The following KCNK2 variants were observed in gnomAD, a reference collection of about 807,000 sequenced individuals.
KCNK2 encodes potassium channel subfamily K member 2.
In KCNK2, 21 loss-of-function variants were observed where a neutral mutation model predicts 40.5. The observed-to-expected ratio is 0.52, with a 90% CI of 0.37 to 0.75. KCNK2 has a LOEUF of 0.75. KCNK2 is among the 30% of genes least tolerant of loss of function. The pLI, the probability that KCNK2 is intolerant of heterozygous loss-of-function variation, is 0.00. For missense variants in KCNK2, 399 were observed against 531.6 expected (o/e 0.75, Z 2.45); for synonymous variants, 191 against 202.2 (o/e 0.94, Z 0.47).
intron 1 of KCNK2, among the ~76,000 whole-genome samples, chr1:215,022,120 TATCTATCTAATC>T (rs1276743606): frequency 7.2e-5 from 4 of 55,278 alleles, no homozygotes; most frequent in African/African-American, 1.2e-4. Flanking sequence ...TCTATCTATC[TATCTATCTAATC>T]ATCTATCTAT....
intron 1 of KCNK2, among the ~76,000 whole-genome samples, chr1:215,071,320 G>T (rs1558077183): frequency 6.6e-6 from 1 of 152,158 alleles, no homozygotes; most frequent in African/African-American, 2.4e-5. Flanking sequence ...CACATAGAGG[G>T]GTTTGCAGGG....
chr1:215,007,037 A>ATATATGTGTGTGTGTGTGTGTGTG (rs1330420661), intron 1 of KCNK2, among the ~76,000 whole-genome samples: 8 of 51,550 alleles, frequency 1.6e-4, no homozygotes, highest in East Asian at 7.0e-4. Context: ...ATATATATAT[A>ATATATGTGTGTGTGTGTGTGTGTG]TGTGTGTGTG....
chr1:215,051,684 C>T (rs1160174836), intron 1 of KCNK2, among the ~76,000 whole-genome samples: 4 of 152,026 alleles, frequency 2.6e-5, no homozygotes, highest in Non-Finnish European at 5.9e-5. Flanking sequence ...GCAGCAGATG[C>T]AAGGTTCTGA....
intron 6 of KCNK2, among the ~76,000 whole-genome samples, chr1:215,234,525 C>A (rs1215036563): frequency 1.3e-5 from 2 of 150,724 alleles, no homozygotes; most frequent in Non-Finnish European, 3.0e-5. Flanking sequence ...TGCCTTTTTA[C>A]AGCATCAAAA....
intron 5 of KCNK2, among the ~76,000 whole-genome samples, chr1:215,173,727 T>A (rs956125373): frequency 2.0e-5 from 3 of 152,366 alleles, no homozygotes; most frequent in African/African-American, 7.2e-5. Flanking sequence ...CCAGTGATGA[T>A]GAGCATTTTT....
chr1:215,182,027 G>C lies in KCNK2; in HGVS notation c.823+9844G>C, dbSNP rs143585967. On this transcript the variant is annotated intron_variant, in intron 5 of 6. Transcript: ENST00000444842. ...CCTTGACCCCATGTTCTCTATACAG[G>C]GATGGGGGAGATCTAAACTCTTAAT... 7.2e-5 allele frequency among the ~76,000 whole-genome samples: 11 copies of C among 152,286 alleles called. No homozygotes were observed. In the East Asian group the frequency reaches 2.1e-3, roughly 29 times the overall value.
intron 3 of KCNK2, among the ~76,000 whole-genome samples, chr1:215,164,780 A>C (rs1296568173): frequency 6.6e-6 from 1 of 152,154 alleles, no homozygotes; most frequent in Non-Finnish European, 1.5e-5. Flanking sequence ...AACATTCTGT[A>C]CTTTCTGTGG....
At chr1:215,206,827 G>A (rs1264329488) in intron 6 of KCNK2, among the ~76,000 whole-genome samples, 2 of 152,072 alleles carry the variant, frequency 1.3e-5, no homozygotes, top group African/African-American at 4.8e-5. Flanking sequence ...GTTAATATAA[G>A]GCTGAAACAG....
intron 6 of KCNK2, among the ~76,000 whole-genome samples, chr1:215,223,000 G>A (rs980381588): frequency 6.6e-6 from 1 of 151,688 alleles, no homozygotes; most frequent in Admixed American, 6.6e-5. Context: ...ATAAGCATTC[G>A]AGCACTGAGA....
At chr1:215,201,530 C>T (rs1665080428) in intron 6 of KCNK2, among the ~76,000 whole-genome samples, 1 of 152,120 alleles carries the variant, frequency 6.6e-6, no homozygotes, top group Non-Finnish European at 1.5e-5. Context: ...GAATGGTGCC[C>T]TGGGGAATTG....
intron 3 of KCNK2, among the ~76,000 whole-genome samples, chr1:215,142,521 T>A (rs1662229426): frequency 1.3e-5 from 2 of 152,148 alleles, no homozygotes; most frequent in Admixed American, 1.3e-4. Context: ...AGAGGAACAA[T>A]TTTAATGGAG....
Position 215,083,029 on chromosome 1 carries a change from G to A in KCNK2, c.-357G>A. 1 of 156,370 alleles carries A rather than the reference G, an allele frequency of 6.4e-6. No individual in the cohort carries two copies. Among genetic ancestry groups the A allele is most frequent in the Non-Finnish European group, 1.3e-5 (1 of 74,120 alleles). The allele number at this position is 156,370 out of a possible 1,614,324, so 9.7% of individuals were successfully genotyped here. On this transcript the variant is annotated 5_prime_UTR_variant, in exon 1 of 7. Coordinates refer to ENST00000444842, the MANE Select transcript of KCNK2 (RefSeq NM_001017425.3). ...GGCGGCGGCGGCGGCGGCGGCGGCG[G>A]CGGGCAGGCGCGGGACCCGGGTCGC...
intron 1 of KCNK2, among the ~76,000 whole-genome samples, chr1:215,028,425 A>T (rs1212500503): frequency 1.3e-5 from 2 of 152,160 alleles, no homozygotes; most frequent in African/African-American, 4.8e-5. Flanking sequence ...AATAAAAAAT[A>T]AAAGAATAAC....
At chr1:215,123,490 A>G (rs1661285322) in intron 2 of KCNK2, among the ~76,000 whole-genome samples, 1 of 152,126 alleles carries the variant, frequency 6.6e-6, no homozygotes, top group Non-Finnish European at 1.5e-5. Flanking sequence ...TGATATTTTA[A>G]TTCATAGATT....
intron 1 of KCNK2, among the ~76,000 whole-genome samples, chr1:215,073,962 A>G (rs775768096): frequency 5.9e-5 from 9 of 152,104 alleles, no homozygotes; most frequent in Non-Finnish European, 8.8e-5. Context: ...TTTTAATGAG[A>G]AATTCAATAC....
intron 1 of KCNK2, among the ~76,000 whole-genome samples, chr1:215,057,426 G>A (rs1397002830): frequency 6.6e-6 from 1 of 152,092 alleles, no homozygotes; most frequent in Non-Finnish European, 1.5e-5. Context: ...CATGGCTTTG[G>A]GTGTGACAGC....
At chr1:215,228,027 G>A (rs952761235) in intron 6 of KCNK2, among the ~76,000 whole-genome samples, 62 of 152,154 alleles carry the variant, frequency 4.1e-4, no homozygotes, top group Non-Finnish European at 5.3e-4. Context: ...GGGAGCCATC[G>A]AAAGTGAAGA....
rs185278409 is a variant in KCNK2 at position 215,220,359 on chromosome 1, C to A, written c.964-14469C>A. Among the ~76,000 whole-genome samples the A allele has an allele frequency of 3.9e-4, 59 of 152,290 alleles. 1 individual carries two copies. Among genetic ancestry groups the A allele is most frequent in the African/African-American group, 1.3e-3 (53 of 41,542 alleles). Reference sequence around the variant, plus strand: ...CAATCTTGAGTTGCCGCTACTGCCACCACCAGGAACCCTGCAGGGACACCC... The same window carrying A: ...CAATCTTGAGTTGCCGCTACTGCCAACACCAGGAACCCTGCAGGGACACCC... On this transcript the variant is annotated intron_variant, in intron 6 of 6. Transcript: ENST00000444842.
At chr1:215,102,823 GC>G (rs971233179) in intron 2 of KCNK2, among the ~76,000 whole-genome samples, 14 of 151,904 alleles carry the variant, frequency 9.2e-5, no homozygotes, top group Non-Finnish European at 2.1e-4. Context: ...GGAGCAAAAG[GC>G]TCTACCATAT....
Sources: allele counts gnomAD v4.1 joint callset (sites outside exome capture counted in the v4.1 genomes callset), GRCh38; gene constraint gnomAD v4.1.1; transcripts MANE v1.5; gene names NCBI Gene and HGNC (gene_info 2026-07-23, HGNC 2026-07-21).